The following MACROD2 variants were observed in gnomAD, a reference collection of about 807,000 sequenced individuals.
The protein encoded by MACROD2 is mono-ADP ribosylhydrolase 2, also known as ADP-ribose glycohydrolase MACROD2.
Under a neutral mutation model 70.4 loss-of-function variants are expected in MACROD2, and 36 were observed. That is an observed-to-expected ratio of 0.51 (90% CI 0.39 to 0.68). The LOEUF (loss-of-function observed/expected upper bound fraction) is 0.68, where lower values mean the gene tolerates loss of function less well. MACROD2 is among the 30% of genes least tolerant of loss of function. The probability of loss-of-function intolerance (pLI) is 0.00; values close to 1 mark genes in which losing one functional copy is unlikely to be tolerated. For synonymous variants in MACROD2, 172 were observed against 178.8 expected (o/e 0.96, Z 0.30); for missense variants, 496 against 538.4 (o/e 0.92, Z 0.78).
intron 4 of MACROD2, among the ~76,000 whole-genome samples, chr20:14,582,097 C>G (rs974703300): frequency 6.6e-6 from 1 of 152,096 alleles, no homozygotes; most frequent in Non-Finnish European, 1.5e-5. Context: ...AACTCTCATT[C>G]TAGTTTTTTG....
intron 5 of MACROD2, among the ~76,000 whole-genome samples, chr20:14,741,906 C>G (rs569438648): frequency 2.4e-4 from 37 of 152,122 alleles, no homozygotes; most frequent in African/African-American, 8.9e-4. Flanking sequence ...TAAGCACTTT[C>G]AAGAGTTATT....
At chr20:14,415,319 A>T (rs1044888266) in intron 3 of MACROD2, among the ~76,000 whole-genome samples, 1 of 149,946 alleles carries the variant, frequency 6.7e-6, no homozygotes, top group African/African-American at 2.5e-5. Context: ...CATTTTTATC[A>T]ATCTAACATC....
intron 9 of MACROD2, among the ~76,000 whole-genome samples, chr20:15,880,307 A>G (rs2064736400): frequency 1.3e-5 from 2 of 151,972 alleles, no homozygotes; most frequent in Admixed American, 1.3e-4. Flanking sequence ...TATTTCCTTA[A>G]AAACATCTTG....
At chr20:14,441,002 C>G (rs985150439) in intron 3 of MACROD2, among the ~76,000 whole-genome samples, 1 of 152,164 alleles carries the variant, frequency 6.6e-6, no homozygotes, top group African/African-American at 2.4e-5. Flanking sequence ...ACAACCTGAG[C>G]AACACACTTA....
chr20:14,826,866 G>T (rs2072908352), intron 5 of MACROD2, among the ~76,000 whole-genome samples: 1 of 152,118 alleles, frequency 6.6e-6, no homozygotes, highest in Non-Finnish European at 1.5e-5. Context: ...TACATTTGAG[G>T]TTAGAAAATT....
At chr20:15,450,220 A>T (rs1469240869) in intron 7 of MACROD2, among the ~76,000 whole-genome samples, 1 of 152,018 alleles carries the variant, frequency 6.6e-6, no homozygotes, top group East Asian at 1.9e-4. Context: ...TGAAGTATAT[A>T]CCTAAACTAC....
chr20:14,477,444 A>G (rs1027698241), intron 3 of MACROD2, among the ~76,000 whole-genome samples: 2 of 152,208 alleles, frequency 1.3e-5, no homozygotes, highest in African/African-American at 2.4e-5. Context: ...GTTGTAGCAC[A>G]AGATTTTACA....
intron 5 of MACROD2, among the ~76,000 whole-genome samples, chr20:14,769,740 A>G (rs1237353289): frequency 6.6e-6 from 1 of 152,130 alleles, no homozygotes; most frequent in African/African-American, 2.4e-5. Flanking sequence ...AACCTATTGG[A>G]AACACACAAG....
At chr20:14,636,002 GATTT>G (rs971671235) in intron 4 of MACROD2, among the ~76,000 whole-genome samples, 20 of 152,162 alleles carry the variant, frequency 1.3e-4, no homozygotes, top group African/African-American at 3.9e-4. Flanking sequence ...AGTGGAATTT[GATTT>G]ATTTATGTTT....
At chr20:14,633,303 T>C (rs1223188628) in intron 4 of MACROD2, among the ~76,000 whole-genome samples, 2 of 152,230 alleles carry the variant, frequency 1.3e-5, no homozygotes, top group African/African-American at 4.8e-5. Context: ...TCTCATTTGC[T>C]AAGACCCTTT....
Position 14,228,182 on chromosome 20 carries a change from G to T in MACROD2, c.271+142454G>T, listed in dbSNP as rs1413152853. ...TTCTATGTATATATATAGAGAGAGA[G>T]AGAGAGAGAGAGTGTGTGTGTGCGT... On this transcript the variant is annotated intron_variant, in intron 3 of 17. Coordinates refer to ENST00000684519, the MANE Select transcript of MACROD2 (RefSeq NM_001351661.2). Among the ~76,000 whole-genome samples the T allele has an allele frequency of 3.9e-3, 593 of 150,656 alleles. 4 individuals carry two copies. The highest frequency in any genetic ancestry group is 6.5e-3 in the South Asian group (31 of 4,774).
intron 5 of MACROD2, among the ~76,000 whole-genome samples, chr20:14,718,660 T>C (rs1226463336): frequency 6.6e-6 from 1 of 152,070 alleles, no homozygotes; most frequent in South Asian, 2.1e-4. Flanking sequence ...ATTTAAATGA[T>C]CAGAATCAGA....
intron 8 of MACROD2, among the ~76,000 whole-genome samples, chr20:15,532,924 A>G (rs1473181686): frequency 6.6e-6 from 1 of 152,182 alleles, no homozygotes; most frequent in Non-Finnish European, 1.5e-5. Flanking sequence ...AGAGTAGCCC[A>G]TGATTTCAGC....
chr20:15,158,463 ACT>A (rs1568607659), intron 5 of MACROD2, among the ~76,000 whole-genome samples: 2 of 152,272 alleles, frequency 1.3e-5, no homozygotes, highest in South Asian at 2.1e-4. Flanking sequence ...CCACAGAGAA[ACT>A]CTGTTCTTTT....
At chr20:14,289,000 T>C (rs1234386165) in intron 3 of MACROD2, among the ~76,000 whole-genome samples, 1 of 152,198 alleles carries the variant, frequency 6.6e-6, no homozygotes, top group Non-Finnish European at 1.5e-5. Context: ...AGCTACTTCC[T>C]TATATTAACC....
chr20:15,544,250 TTAA>T (rs2047997812), intron 8 of MACROD2, among the ~76,000 whole-genome samples: 1 of 152,182 alleles, frequency 6.6e-6, no homozygotes. Flanking sequence ...GGCTATGGCG[TTAA>T]TAATAATAGC....
chr20:15,924,236 A>G (rs963524639), intron 10 of MACROD2, among the ~76,000 whole-genome samples: 4 of 152,232 alleles, frequency 2.6e-5, no homozygotes, highest in African/African-American at 7.2e-5. Context: ...TTTGCTTCCC[A>G]TGATAATATG....
intron 3 of MACROD2, among the ~76,000 whole-genome samples, chr20:14,384,131 A>G (rs1387513603): frequency 6.6e-6 from 1 of 152,128 alleles, no homozygotes; most frequent in Non-Finnish European, 1.5e-5. Context: ...ATTAAAACGA[A>G]TTCATCGTAT....
chr20:15,323,456 T>G (rs1380442623), intron 6 of MACROD2, among the ~76,000 whole-genome samples: 1 of 152,170 alleles, frequency 6.6e-6, no homozygotes, highest in Non-Finnish European at 1.5e-5. Context: ...TTTGTAAGGA[T>G]TTTTAAAAAT....
Sources: allele counts gnomAD v4.1 joint callset (sites outside exome capture counted in the v4.1 genomes callset), GRCh38; gene constraint gnomAD v4.1.1; transcripts MANE v1.5; gene names NCBI Gene and HGNC (gene_info 2026-07-23, HGNC 2026-07-21).